The following WIPF2 variants were observed in gnomAD, a reference collection of about 807,000 sequenced individuals.
WIPF2 encodes the protein WAS/WASL-interacting protein family member 2.
Under a neutral mutation model 38.8 loss-of-function variants are expected in WIPF2, and 23 were observed. That is an observed-to-expected ratio of 0.59 (90% CI 0.43 to 0.84). The LOEUF (loss-of-function observed/expected upper bound fraction) is 0.84, where lower values mean the gene tolerates loss of function less well. WIPF2 is among the 40% of genes least tolerant of loss of function. The probability of loss-of-function intolerance (pLI) is 0.00; values close to 1 mark genes in which losing one functional copy is unlikely to be tolerated. For synonymous variants in WIPF2, 210 were observed against 223.2 expected (o/e 0.94, Z 0.53); for missense variants, 574 against 580.5 (o/e 0.99, Z 0.11).
chr17:40,247,604 C>T (rs930164230), intron 1 of WIPF2, among the ~76,000 whole-genome samples: 14 of 151,690 alleles, frequency 9.2e-5, no homozygotes, highest in South Asian at 8.3e-4. Context: ...TCACTGCAGC[C>T]TCCACCTCCT....
rs2030075443 is a variant in WIPF2 at position 40,219,506 on chromosome 17, CG to C, written c.-70+18del. On this transcript the variant is annotated intron_variant, in intron 1 of 7. Coordinates refer to ENST00000323571, the MANE Select transcript of WIPF2 (RefSeq NM_133264.5). The stretch of plus-strand genomic sequence containing the variant: ...AGCTGCGGCCAGGTCGGAAAGAGGC[CG>C]GGGCGGCTGGGTCAGTCGCTGAAAT... 7.5e-6 allele frequency: 1 copy of C among 134,094 alleles called. No homozygotes were observed. The highest frequency in any genetic ancestry group is 2.9e-5 in the African/African-American group (1 of 34,470). The allele number at this position is 134,094 out of a possible 1,614,324, so 8.3% of individuals were successfully genotyped here. A position where few individuals can be genotyped will look rare whatever the true frequency, so the allele number is the denominator to read the frequency against.
chr17:40,243,618 A>G (rs2031264974), intron 1 of WIPF2, among the ~76,000 whole-genome samples: 1 of 151,798 alleles, frequency 6.6e-6, no homozygotes, highest in South Asian at 2.1e-4. Context: ...GGTTCAAGCA[A>G]TTCTCCTGCC....
intron 2 of WIPF2, among the ~76,000 whole-genome samples, chr17:40,259,018 C>CAAA (rs903377557): frequency 2.0e-4 from 7 of 34,886 alleles, no homozygotes; most frequent in Admixed American, 3.8e-4. Flanking sequence ...AACTCTGTCT[C>CAAA]AAAAAAAAAA....
chr17:40,273,774 T>G lies in WIPF2; in HGVS notation c.971-16T>G. On this transcript the variant is annotated splice_polypyrimidine_tract_variant and intron_variant, in intron 5 of 7. Transcript: ENST00000323571. ...TCTCCACATCCAAACCTAACTACTTTGGATTTTAATTGCAGCTCCTCCACC... is the reference window on the plus strand; with the variant it reads ...TCTCCACATCCAAACCTAACTACTTGGGATTTTAATTGCAGCTCCTCCACC... 1 of 1,590,194 alleles carries G rather than the reference T, an allele frequency of 6.3e-7. No homozygotes were observed. Among genetic ancestry groups the G allele is most frequent in the East Asian group, 2.2e-5 (1 of 44,662 alleles).
At chr17:40,242,485 C>T (rs968211455) in intron 1 of WIPF2, among the ~76,000 whole-genome samples, 17 of 152,224 alleles carry the variant, frequency 1.1e-4, no homozygotes, top group South Asian at 4.1e-4. Context: ...CTGCAACCTC[C>T]GCCTGCCGAG....
At chr17:40,232,953 G>A (rs1044659619) in intron 1 of WIPF2, among the ~76,000 whole-genome samples, 4 of 151,920 alleles carry the variant, frequency 2.6e-5, no homozygotes, top group Non-Finnish European at 5.9e-5. Flanking sequence ...CTCTATTTTT[G>A]TGCATACCTT....
chr17:40,251,205 C>G (rs1207080061), intron 1 of WIPF2, among the ~76,000 whole-genome samples: 1 of 152,094 alleles, frequency 6.6e-6, no homozygotes, highest in Admixed American at 6.6e-5. Context: ...TGAGCCACTG[C>G]GTCCAGCCTA....
At chr17:40,272,082 C>T (rs892459583) in intron 5 of WIPF2, among the ~76,000 whole-genome samples, 7 of 151,294 alleles carry the variant, frequency 4.6e-5, no homozygotes, top group Admixed American at 2.6e-4. Context: ...TGCAATGGCA[C>T]GATCTTGGAT....
At chr17:40,252,274 C>A (rs2031582559) in intron 1 of WIPF2, among the ~76,000 whole-genome samples, 1 of 152,094 alleles carries the variant, frequency 6.6e-6, no homozygotes, top group Non-Finnish European at 1.5e-5. Context: ...GATTGGATCA[C>A]CTATGGACAT....
intron 7 of WIPF2, among the ~76,000 whole-genome samples, chr17:40,277,479 A>C (rs1283902720): frequency 6.6e-6 from 1 of 152,220 alleles, no homozygotes; most frequent in South Asian, 2.1e-4. Context: ...CGGGAGATCA[A>C]GACCATCCTA....
chr17:40,242,364 T>C (rs2145322011), intron 1 of WIPF2, among the ~76,000 whole-genome samples: 1 of 152,294 alleles, frequency 6.6e-6, no homozygotes, highest in East Asian at 1.9e-4. Flanking sequence ...TGAGACCCTT[T>C]CTCAAGGAAG....
Position 40,277,064 on chromosome 17 carries a change from T to C in WIPF2, c.1181-19T>C. ...CACAAGCAAGGATGATAGGAATTAA[T>C]GTTCTATTCTTTTCGCAGATGATTT... is the stretch of plus-strand genomic sequence containing the variant. On this transcript the variant is annotated intron_variant, in intron 6 of 7. Coordinates refer to ENST00000323571, the MANE Select transcript of WIPF2 (RefSeq NM_133264.5). The C allele has an allele frequency of 6.3e-7, 1 of 1,592,830 alleles. No individual in the cohort carries two copies. Among genetic ancestry groups the C allele is most frequent in the Non-Finnish European group, 8.6e-7 (1 of 1,164,418 alleles).
chr17:40,250,217 A>ATTTTTTTTTTTTTTTTTTTT (rs1567716394), intron 1 of WIPF2, among the ~76,000 whole-genome samples: 1 of 80,274 alleles, frequency 1.2e-5, no homozygotes, highest in African/African-American at 5.0e-5. Flanking sequence ...GAATTTTATC[A>ATTTTTTTTTTTTTTTTTTTT]TGTTTTTTTT....
intron 1 of WIPF2, among the ~76,000 whole-genome samples, chr17:40,223,384 A>G (rs540969385): frequency 6.6e-6 from 1 of 151,996 alleles, no homozygotes; most frequent in Non-Finnish European, 1.5e-5. Flanking sequence ...CACACTTGAT[A>G]CTAGAGTAGT....
intron 6 of WIPF2, among the ~76,000 whole-genome samples, chr17:40,276,475 C>T (rs922579256): frequency 4.9e-5 from 6 of 122,442 alleles, no homozygotes; most frequent in Admixed American, 4.6e-4. Context: ...GAGCCAAGAT[C>T]ATGCCACCGC....
At chr17:40,257,760 A>T (rs1295892542) in intron 2 of WIPF2, among the ~76,000 whole-genome samples, 1 of 150,318 alleles carries the variant, frequency 6.7e-6, no homozygotes, top group South Asian at 2.1e-4. Flanking sequence ...AAAAAAAAAA[A>T]GGAAAGGAGG....
At chr17:40,262,786 G>A in intron 4 of WIPF2, 145 bp downstream of exon 4, 1 of 643,616 alleles carries the variant, frequency 1.6e-6, no homozygotes, top group Non-Finnish European at 2.8e-6. Flanking sequence ...ATAGAATACA[G>A]CAAAAGCTGA....
At chr17:40,248,213 G>A (rs1420684489) in intron 1 of WIPF2, among the ~76,000 whole-genome samples, 2 of 125,378 alleles carry the variant, frequency 1.6e-5, no homozygotes, top group Admixed American at 1.0e-4. Flanking sequence ...TGCCCAGGCT[G>A]GAGTGCTGTT....
intron 7 of WIPF2, among the ~76,000 whole-genome samples, chr17:40,277,561 G>GTCCCA (rs2032439507): frequency 1.3e-5 from 2 of 151,856 alleles, no homozygotes; most frequent in African/African-American, 4.8e-5. Flanking sequence ...CACACCTGTA[G>GTCCCA]TCCCAGCTAC....
Sources: gnomAD v4.1 joint callset for allele counts (sites outside exome capture counted in the v4.1 genomes callset) on GRCh38, gnomAD v4.1.1 for gene constraint, MANE v1.5 for transcripts, NCBI Gene and HGNC (gene_info 2026-07-23, HGNC 2026-07-21) for gene names.